The following BACH2 variants were observed in gnomAD, a reference collection of about 807,000 sequenced individuals.
BACH2 encodes transcription regulator protein BACH2.
In BACH2, 5 loss-of-function variants were observed where a neutral mutation model predicts 61.8. The observed-to-expected ratio is 0.08, with a 90% confidence interval of 0.04 to 0.17. The LOEUF (loss-of-function observed/expected upper bound fraction) is 0.17, where lower values mean the gene tolerates loss of function less well. Among genes scored for constraint, BACH2 ranks in the 10% least tolerant of loss-of-function variants. The pLI is 1.00. For synonymous variants in BACH2, 446 were observed against 440.1 expected, an observed-to-expected ratio of 1.01 and a Z score of -0.17; for missense variants, 824 against 1,091.1, an observed-to-expected ratio of 0.76 and a Z score of 3.45.
intron 5 of BACH2, among the ~76,000 whole-genome samples, chr6:90,025,310 TA>T (rs1364216783): frequency 6.6e-6 from 1 of 152,222 alleles, no homozygotes; most frequent in Non-Finnish European, 1.5e-5. Flanking sequence ...TTCTTTTGTG[TA>T]ACCCCCCAGT....
chr6:90,220,750 T>C (rs544417191), intron 3 of BACH2, among the ~76,000 whole-genome samples: 11 of 152,354 alleles, frequency 7.2e-5, no homozygotes, highest in African/African-American at 2.6e-4. Context: ...TAATACAAAC[T>C]TTAAATTGCA....
chr6:90,122,133 C>T lies in BACH2; in HGVS notation c.-161-33024G>A, dbSNP rs552699109. 3.9e-5 allele frequency among the ~76,000 whole-genome samples: 6 copies of T among 152,332 alleles called. No homozygotes were observed. The South Asian group carries it at 1.2e-3, about 32-fold the overall frequency. ...CTCCTGTATATTTTGGGAAATGACA[C>T]ACGTCCAGGCAAAGCACACCATGGG... is the stretch of plus-strand genomic sequence containing the variant. On this transcript the variant is annotated intron_variant, in intron 4 of 8. Coordinates refer to ENST00000257749, the MANE Select transcript of BACH2 (RefSeq NM_021813.4).
intron 1 of BACH2, among the ~76,000 whole-genome samples, chr6:90,288,287 A>T (rs1772080518): frequency 6.6e-6 from 1 of 152,126 alleles, no homozygotes; most frequent in Non-Finnish European, 1.5e-5. Context: ...CATTGTTTGC[A>T]TAGAAATCTT....
intron 2 of BACH2, among the ~76,000 whole-genome samples, chr6:90,254,533 C>T (rs908882409): frequency 2.0e-5 from 3 of 151,830 alleles, no homozygotes; most frequent in Admixed American, 6.6e-5. Flanking sequence ...TTGCTCTCTA[C>T]CTGTTTGAAT....
At chr6:90,032,014 A>G (rs1779010284) in intron 5 of BACH2, among the ~76,000 whole-genome samples, 1 of 152,204 alleles carries the variant, frequency 6.6e-6, no homozygotes, top group Non-Finnish European at 1.5e-5. Context: ...AGACATATAG[A>G]CCAATGGAAC....
chr6:90,286,135 G>A (rs768234175), intron 1 of BACH2, among the ~76,000 whole-genome samples: 1 of 152,158 alleles, frequency 6.6e-6, no homozygotes, highest in Non-Finnish European at 1.5e-5. Flanking sequence ...ATTTTAACTA[G>A]ATTTAACTGC....
At chr6:90,103,211 A>G (rs1026336926) in intron 4 of BACH2, among the ~76,000 whole-genome samples, 4 of 151,326 alleles carry the variant, frequency 2.6e-5, no homozygotes, top group African/African-American at 9.8e-5. Context: ...ATTGATTTAG[A>G]AAGTTATTTT....
rs71027919 is a variant in BACH2, at chr6:90,011,932, ATGTGTGTGTGTGTG to A, written c.-12-3090_-12-3077del. On this transcript the variant is annotated intron_variant, in intron 5 of 8. Transcript: ENST00000257749. ...AAGACTCTGTCTCAAAAAAAAAAAT[ATGTGTGTGTGTGTG>A]TGTGTGTGTGTGTGTGTGTGTGTGT... is the stretch of plus-strand genomic sequence containing the variant. Among the ~76,000 whole-genome samples, 370 of 114,296 alleles carry A rather than the reference ATGTGTGTGTGTGTG, an allele frequency of 3.2e-3. 4 individuals carry two copies. Among genetic ancestry groups the A allele is most frequent in the African/African-American group, 0.012 (333 of 26,874 alleles). The allele number at this position is 114,296 out of a possible 152,430, so 75.0% of individuals were successfully genotyped here.
intron 5 of BACH2, among the ~76,000 whole-genome samples, chr6:90,057,489 C>T (rs544953117): frequency 3.3e-5 from 5 of 152,204 alleles, no homozygotes; most frequent in South Asian, 2.1e-4. Flanking sequence ...CAATAGCTTA[C>T]GAACCAAAAA....
At chr6:90,134,630 T>C (rs969198283) in intron 4 of BACH2, among the ~76,000 whole-genome samples, 3 of 152,220 alleles carry the variant, frequency 2.0e-5, no homozygotes, top group African/African-American at 7.2e-5. Context: ...ATAATCTGAA[T>C]GGTGACCATC....
chr6:90,196,671 C>G (rs1246267428), intron 4 of BACH2, among the ~76,000 whole-genome samples: 2 of 152,088 alleles, frequency 1.3e-5, no homozygotes, highest in African/African-American at 4.8e-5. Context: ...AGTTTTCCTA[C>G]AGTTCTCATT....
intron 5 of BACH2, among the ~76,000 whole-genome samples, chr6:90,029,811 T>G (rs1224618150): frequency 2.6e-5 from 4 of 152,206 alleles, no homozygotes; most frequent in African/African-American, 9.7e-5. Context: ...AAGGTCGCCT[T>G]GCCTATCCAT....
intron 4 of BACH2, among the ~76,000 whole-genome samples, chr6:90,178,561 A>C (rs1019336739): frequency 2.0e-5 from 3 of 152,176 alleles, no homozygotes; most frequent in Non-Finnish European, 4.4e-5. Context: ...ACTCCCAAAA[A>C]AGACAGCTAA....
intron 4 of BACH2, among the ~76,000 whole-genome samples, chr6:90,155,229 T>C (rs1784956068): frequency 6.6e-6 from 1 of 152,172 alleles, no homozygotes. Flanking sequence ...TCTATCACTG[T>C]TATGGGCTGG....
intron 5 of BACH2, among the ~76,000 whole-genome samples, chr6:90,077,108 A>G (rs1416817891): frequency 6.6e-6 from 1 of 152,186 alleles, no homozygotes; most frequent in African/African-American, 2.4e-5. Flanking sequence ...ATGAAGGATA[A>G]GTTAAAACTG....
chr6:90,291,694 A>G (rs1267653480), intron 1 of BACH2, among the ~76,000 whole-genome samples: 1 of 152,012 alleles, frequency 6.6e-6, no homozygotes, highest in Non-Finnish European at 1.5e-5. Flanking sequence ...AGCAGGTTTC[A>G]GTTTGGACAT....
chr6:90,256,513 G>A (rs1162837238), intron 2 of BACH2, among the ~76,000 whole-genome samples: 1 of 152,104 alleles, frequency 6.6e-6, no homozygotes, highest in Non-Finnish European at 1.5e-5. Flanking sequence ...ATTTCCAGGA[G>A]GAAAATGTCA....
intron 6 of BACH2, among the ~76,000 whole-genome samples, chr6:89,983,295 G>T (rs543565713): frequency 6.6e-6 from 1 of 152,298 alleles, no homozygotes; most frequent in South Asian, 2.1e-4. Context: ...TCAGCTCTGT[G>T]AAAAGGCAGG....
chr6:90,145,790 C>T (rs919515845), intron 4 of BACH2, among the ~76,000 whole-genome samples: 10 of 152,088 alleles, frequency 6.6e-5, no homozygotes, highest in Admixed American at 1.3e-4. Flanking sequence ...TATCATCTTC[C>T]GAAAGTACAT....
Sources: allele counts gnomAD v4.1 joint callset (sites outside exome capture counted in the v4.1 genomes callset), GRCh38; gene constraint gnomAD v4.1.1; transcripts MANE v1.5; gene names NCBI Gene and HGNC (gene_info 2026-07-23, HGNC 2026-07-21).